The following GALNT5 variants were observed in gnomAD, a reference collection of about 807,000 sequenced individuals.
GALNT5 encodes the protein UDP-GalNAc:polypeptide N-acetylgalactosaminyltransferase 5.
A neutral mutation model predicts 85.4 loss-of-function variants in GALNT5; 72 were observed. The observed-to-expected ratio is 0.84, with a 90% confidence interval of 0.70 to 1.03. GALNT5 has a LOEUF of 1.03. GALNT5 is among the 50% of genes least tolerant of loss of function. The pLI is 0.00. For missense variants in GALNT5, 1,137 were observed against 1,135.5 expected (o/e 1.00, Z -0.02); for synonymous variants, 404 against 397.0 (o/e 1.02, Z -0.21).
At chr2:157,265,570 G>C (rs1483541507) in intron 1 of GALNT5, among the ~76,000 whole-genome samples, 1 of 152,200 alleles carries the variant, frequency 6.6e-6, no homozygotes, top group Non-Finnish European at 1.5e-5. Context: ...TTTGAAAGAA[G>C]TATACTTTTT....
At chr2:157,266,140 G>C (rs1020417037) in intron 1 of GALNT5, among the ~76,000 whole-genome samples, 1 of 152,184 alleles carries the variant, frequency 6.6e-6, no homozygotes, top group African/African-American at 2.4e-5. Flanking sequence ...TATCAATCAG[G>C]AGCGGTGCGC....
Position 157,318,177 on chromosome 2 carries a change from T to C in GALNT5, c.*6829T>C, listed in dbSNP as rs1390655395. The stretch of plus-strand genomic sequence containing the variant: ...TCTCTATTATTACTTATTTTAAATG[T>C]TTTCCCTATCACATTGAAAAACTTA... On this transcript the variant is annotated 3_prime_UTR_variant, in exon 10 of 10. Coordinates refer to ENST00000259056, the MANE Select transcript of GALNT5 (RefSeq NM_014568.3). Among the ~76,000 whole-genome samples, 1 of 152,004 alleles carries C rather than the reference T, an allele frequency of 6.6e-6. No homozygotes were observed. The highest frequency in any genetic ancestry group is 2.4e-5 in the African/African-American group (1 of 41,444).
rs912543768 is a variant in GALNT5 at position 157,316,817 on chromosome 2, A to T, written c.*5469A>T. Among the ~76,000 whole-genome samples, 7 of 152,114 alleles carry T rather than the reference A, an allele frequency of 4.6e-5. No homozygotes were observed. The highest frequency in any genetic ancestry group is 1.7e-4 in the African/African-American group (7 of 41,436). ...CCTCTGTTTTCAACCTAATGGAACA[A>T]TAGTTATCATTTCAATTAGAGTCGC... On this transcript the variant is annotated 3_prime_UTR_variant, in exon 10 of 10. Transcript: ENST00000259056.
At chr2:157,306,652 T>C (rs1158235608) in intron 8 of GALNT5, among the ~76,000 whole-genome samples, 2 of 152,230 alleles carry the variant, frequency 1.3e-5, no homozygotes, top group African/African-American at 4.8e-5. Context: ...CAGATTGTTC[T>C]TTGGTACAGA....
At chr2:157,272,351 C>T (rs1682607789) in intron 1 of GALNT5, among the ~76,000 whole-genome samples, 1 of 152,112 alleles carries the variant, frequency 6.6e-6, no homozygotes, top group African/African-American at 2.4e-5. Context: ...CTATCCTTTC[C>T]CTCATTTACC....
At chr2:157,274,744 G>C (rs921218669) in intron 1 of GALNT5, among the ~76,000 whole-genome samples, 1 of 152,080 alleles carries the variant, frequency 6.6e-6, no homozygotes, top group Non-Finnish European at 1.5e-5. Flanking sequence ...TTTGTCAGAT[G>C]GGTAGATTGC....
intron 1 of GALNT5, among the ~76,000 whole-genome samples, chr2:157,271,687 G>T (rs939326597): frequency 1.3e-5 from 2 of 152,150 alleles, no homozygotes; most frequent in Non-Finnish European, 2.9e-5. Context: ...AAATGCAGAG[G>T]AGCTGGTTGG....
At chr2:157,300,568 A>G in intron 6 of GALNT5, 108 bp from the exon 7 acceptor site, 1 of 792,708 alleles carries the variant, frequency 1.3e-6, no homozygotes, top group Non-Finnish European at 2.1e-6. Flanking sequence ...TTTGAAGTTG[A>G]GTATTACTTC....
intron 3 of GALNT5, among the ~76,000 whole-genome samples, chr2:157,292,593 A>G (rs970348283): frequency 4.6e-5 from 7 of 152,218 alleles, no homozygotes; most frequent in African/African-American, 1.7e-4. Context: ...GGACTGAGAA[A>G]GATAATCCAG....
At chr2:157,289,902 T>C (rs567449424) in intron 3 of GALNT5, among the ~76,000 whole-genome samples, 1 of 151,674 alleles carries the variant, frequency 6.6e-6, no homozygotes, top group Non-Finnish European at 1.5e-5. Flanking sequence ...CAAAACCCTG[T>C]CTCTACTAAA....
chr2:157,296,466 T>A lies in GALNT5; in HGVS notation c.1950T>A (p.Pro650=), dbSNP rs1683216463. 1 of 1,609,494 alleles carries A rather than the reference T, an allele frequency of 6.2e-7. No individual in the cohort carries two copies. The highest frequency in any genetic ancestry group is 1.3e-5 in the African/African-American group (1 of 74,802). ...TGAACTTTGGTTGGAGAACAATTCCTCCAGATGTCATTGCAAAAAACAGAA... is the reference window on the plus strand; with the variant it reads ...TGAACTTTGGTTGGAGAACAATTCCACCAGATGTCATTGCAAAAAACAGAA... The part of the protein sequence containing the change: ...WPMNFGWRTI[P]PDVIAKNRIK... Residue 650 remains proline, a synonymous_variant, in exon 5 of 10, where the codon CCT becomes CCA. Transcript: ENST00000259056.
chr2:157,269,020 T>C lies in GALNT5; in HGVS notation c.1454+9484T>C, dbSNP rs149765259. Among the ~76,000 whole-genome samples, 555 of 152,308 alleles carry C rather than the reference T, an allele frequency of 3.6e-3. 5 individuals carry two copies. Among genetic ancestry groups the C allele is most frequent in the African/African-American group, 0.012 (511 of 41,562 alleles). Reference sequence around the variant, plus strand: ...AAAACTGAAATAAAGGAAACTTGCTTGAATTAGGTTGGTGTAGGATAACTT... The same window carrying C: ...AAAACTGAAATAAAGGAAACTTGCTCGAATTAGGTTGGTGTAGGATAACTT... On this transcript the variant is annotated intron_variant, in intron 1 of 9. Coordinates refer to ENST00000259056, the MANE Select transcript of GALNT5 (RefSeq NM_014568.3).
intron 9 of GALNT5, 152 bp from the exon 10 acceptor site, chr2:157,311,056 A>T (rs541491348): frequency 3.1e-6 from 2 of 653,208 alleles, no homozygotes; most frequent in Non-Finnish European, 5.3e-6. Flanking sequence ...TACTTTTCAA[A>T]GTCTGTGTTT....
chr2:157,301,287 T>G (rs1683337089), intron 7 of GALNT5, among the ~76,000 whole-genome samples: 1 of 152,194 alleles, frequency 6.6e-6, no homozygotes, highest in Admixed American at 6.5e-5. Flanking sequence ...GTTCCTTCCT[T>G]GTGGAGCTTA....
Position 157,317,035 on chromosome 2 carries a change from T to C in GALNT5, c.*5687T>C, listed in dbSNP as rs1221022328. On this transcript the variant is annotated 3_prime_UTR_variant, in exon 10 of 10. Transcript: ENST00000259056. ...TTATTGATTGACAGATATTTACCAG[T>C]TTAAGGATATTGGTCATAAGCATCT... Among the ~76,000 whole-genome samples the C allele has an allele frequency of 6.6e-6, 1 of 151,708 alleles. No homozygotes were observed.
Position 157,258,582 on chromosome 2 carries a change from G to C in GALNT5, c.500G>C (p.Gly167Ala), listed in dbSNP as rs1489943048. 6.2e-7 allele frequency: 1 copy of C among 1,613,312 alleles called. No individual in the cohort carries two copies. Among genetic ancestry groups the C allele is most frequent in the South Asian group, 1.1e-5 (1 of 91,004 alleles). The change falls in exon 1 of 10, where the codon GGG (glycine) becomes GCG (alanine). Residue 167 changes from glycine to alanine, a missense_variant. By Grantham distance (60) the Gly-to-Ala change is moderately conservative. Coordinates refer to ENST00000259056, the MANE Select transcript of GALNT5 (RefSeq NM_014568.3). ...QGTPKQTTAQ[G>A]APKTSFIAAK... ...ACACCAAAGCAAACGACAGCTCAGGGGGCTCCAAAGACCTCATTCATAGCA... is the reference window on the plus strand; with the variant it reads ...ACACCAAAGCAAACGACAGCTCAGGCGGCTCCAAAGACCTCATTCATAGCA...
Position 157,295,745 on chromosome 2 carries a change from TAGAA to T in GALNT5, c.1831_1834del (p.Lys611TrpfsTer5), listed in dbSNP as rs1166495618. ...CTCTTCTGGAAAGAGTTTATTTAAG[TAGAA>T]AGAAAGTGGCCTGTCCAGTAATCGA... On this transcript the variant is annotated frameshift_variant, in exon 4 of 10. Coordinates refer to ENST00000259056, the MANE Select transcript of GALNT5 (RefSeq NM_014568.3). LOFTEE classifies it high-confidence loss of function. The T allele has an allele frequency of 6.2e-7, 1 of 1,609,962 alleles. No homozygotes were observed. Among genetic ancestry groups the T allele is most frequent in the Admixed American group, 1.7e-5 (1 of 59,992 alleles).
chr2:157,305,979 C>T, intron 8 of GALNT5, 150 bp downstream of exon 8: 1 of 578,810 alleles, frequency 1.7e-6, no homozygotes, highest in South Asian at 2.2e-5. Context: ...AACACAAAGA[C>T]AGTGACTAAG....
chr2:157,273,471 A>G (rs1328462441), intron 1 of GALNT5, among the ~76,000 whole-genome samples: 1 of 151,564 alleles, frequency 6.6e-6, no homozygotes, highest in Non-Finnish European at 1.5e-5. Context: ...ACTTTCGTGG[A>G]CTTCAATGTG....
Sources: gnomAD v4.1 joint callset for allele counts (sites outside exome capture counted in the v4.1 genomes callset) on GRCh38, gnomAD v4.1.1 for gene constraint, MANE v1.5 for transcripts, NCBI Gene and HGNC (gene_info 2026-07-23, HGNC 2026-07-21) for gene names.